The following IGF2BP3 variants were observed in gnomAD, a reference collection of about 807,000 sequenced individuals.
The protein encoded by IGF2BP3 is insulin-like growth factor 2 mRNA-binding protein 3.
A neutral mutation model predicts 73.8 loss-of-function variants in IGF2BP3; 9 were observed. The ratio of observed to expected loss-of-function variants is 0.12; its 90% CI spans 0.07 to 0.21. The LOEUF (loss-of-function observed/expected upper bound fraction) is 0.21, where lower values mean the gene tolerates loss of function less well. Ranked by LOEUF, IGF2BP3 falls within the 10% of genes least tolerant of loss-of-function variation. The pLI is 1.00. For missense variants in IGF2BP3, 542 were observed against 714.0 expected (o/e 0.76, Z 2.75); for synonymous variants, 258 against 256.7 (o/e 1.01, Z -0.05).
At chr7:23,386,815 C>A in intron 3 of IGF2BP3, among the ~76,000 whole-genome samples, 1 of 152,096 alleles carries the variant, frequency 6.6e-6, no homozygotes, top group East Asian at 1.9e-4. Context: ...CACCCATAAT[C>A]CCAGCACTTT....
At chr7:23,328,489 T>C (rs1216719430) in intron 10 of IGF2BP3, among the ~76,000 whole-genome samples, 1 of 152,180 alleles carries the variant, frequency 6.6e-6, no homozygotes, top group Non-Finnish European at 1.5e-5. Flanking sequence ...TAAACAACTT[T>C]AAGCCTTTGG....
rs532178988 is a variant in IGF2BP3, at chr7:23,469,607, G to T, written c.175+329C>A. ...TCGGCCCCCGAGGCCCAGCGTGCCG[G>T]GGCCTGGAGCACGCGCCTGGGCCCG... is the stretch of plus-strand genomic sequence containing the variant. On this transcript the variant is annotated intron_variant, in intron 1 of 14. Transcript: ENST00000258729. This position sits in a 1 kb window ranked among gnomAD's most constrained non-coding sequence, Gnocchi z 6.1. 1.2e-5 allele frequency: 2 copies of T among 160,822 alleles called. No homozygotes were observed. Among genetic ancestry groups the T allele is most frequent in the Admixed American group, 1.3e-4 (2 of 15,510 alleles). The allele number at this position is 160,822 out of a possible 1,614,324, so 10.0% of individuals were successfully genotyped here. A position where few individuals can be genotyped will look rare whatever the true frequency, so the allele number is the denominator to read the frequency against.
chr7:23,407,654 T>G (rs1414489733), intron 3 of IGF2BP3, among the ~76,000 whole-genome samples: 1 of 150,364 alleles, frequency 6.7e-6, no homozygotes, highest in East Asian at 1.9e-4. Flanking sequence ...ATTCAAGTGG[T>G]TTCACAGGTG....
chr7:23,340,745 G>T (rs893930868), intron 10 of IGF2BP3, among the ~76,000 whole-genome samples: 1 of 152,042 alleles, frequency 6.6e-6, no homozygotes, highest in African/African-American at 2.4e-5. Flanking sequence ...GGTGTCTGCT[G>T]TGCTGCGATT....
intron 2 of IGF2BP3, among the ~76,000 whole-genome samples, chr7:23,446,800 C>A (rs1788076502): frequency 6.6e-6 from 1 of 152,062 alleles, no homozygotes; most frequent in Admixed American, 6.6e-5. Context: ...ACTACTTAAC[C>A]AATTGGTCAA....
chr7:23,351,231 C>A, intron 6 of IGF2BP3, 74 bp downstream of exon 6: 1 of 1,537,390 alleles, frequency 6.5e-7, no homozygotes. Flanking sequence ...GCACCAAGTA[C>A]CAGAACGACA....
Position 23,469,976 on chromosome 7 carries a change from C to A in IGF2BP3, c.135G>T (p.Pro45=). 6.2e-7 allele frequency: 1 copy of A among 1,612,326 alleles called. No homozygotes were observed. The highest frequency in any genetic ancestry group is 8.5e-7 in the Non-Finnish European group (1 of 1,179,648). Residue 45 remains proline (P), a synonymous_variant, in exon 1 of 15, where the codon CCG becomes CCT. Coordinates refer to ENST00000258729, the MANE Select transcript of IGF2BP3 (RefSeq NM_006547.3). The surrounding 1 kb of genome is among the most constrained non-coding windows in gnomAD (Gnocchi z 6.1). The stretch of plus-strand genomic sequence containing the variant: ...TGGCCTTGAGGGCCCAGCTCTCGTC[C>A]GGGCAGTCCACGAACGCGTAGCCAG... ...VKTGYAFVDC[P]DESWALKAIE... is the part of the protein sequence containing the mutation.
intron 10 of IGF2BP3, among the ~76,000 whole-genome samples, chr7:23,326,982 G>C (rs1451942951): frequency 6.6e-6 from 1 of 150,550 alleles, no homozygotes; most frequent in East Asian, 1.9e-4. Context: ...ACGAGTTAGT[G>C]GGTGCAGGGC....
intron 2 of IGF2BP3, among the ~76,000 whole-genome samples, chr7:23,434,183 T>C (rs977388664): frequency 6.6e-6 from 1 of 152,022 alleles, no homozygotes; most frequent in Non-Finnish European, 1.5e-5. Flanking sequence ...CAAGAAGAGG[T>C]GTTTTAAGAT....
chr7:23,313,369 TCAGA>T (rs1783886488), intron 13 of IGF2BP3, among the ~76,000 whole-genome samples, 149 bp downstream of exon 13: 1 of 152,178 alleles, frequency 6.6e-6, no homozygotes, highest in African/African-American at 2.4e-5. Flanking sequence ...GCACCAACAC[TCAGA>T]CAGGAAACAA....
At chr7:23,360,871 T>C (rs1409507604) in intron 5 of IGF2BP3, among the ~76,000 whole-genome samples, 1 of 152,196 alleles carries the variant, frequency 6.6e-6, no homozygotes, top group African/African-American at 2.4e-5. Context: ...TTCTTTCATG[T>C]TCATATTCTG....
chr7:23,463,537 G>A (rs541915978), intron 2 of IGF2BP3, among the ~76,000 whole-genome samples: 2 of 152,316 alleles, frequency 1.3e-5, no homozygotes, highest in South Asian at 4.1e-4. Context: ...TGAGCACAAT[G>A]GCAAAACCTC....
chr7:23,349,830 AG>A (rs1784917479), intron 6 of IGF2BP3, among the ~76,000 whole-genome samples: 1 of 152,216 alleles, frequency 6.6e-6, no homozygotes, highest in Non-Finnish European at 1.5e-5. Context: ...TAGCTCGAAA[AG>A]GAACAATTCT....
Position 23,422,027 on chromosome 7 carries a change from T to A in IGF2BP3, c.237-3203A>T, listed in dbSNP as rs532421110. Among the ~76,000 whole-genome samples, 6 of 152,144 alleles carry A rather than the reference T, an allele frequency of 3.9e-5. No homozygotes were observed. In the East Asian group the frequency reaches 1.2e-3, roughly 30 times the overall value. On this transcript the variant is annotated intron_variant, in intron 2 of 14. Coordinates refer to ENST00000258729, the MANE Select transcript of IGF2BP3 (RefSeq NM_006547.3). ...CTCCTGGGCTCAAGCAGTCCTTCTA[T>A]CTTGACCTCCCCAAAGTGCTGGGAT...
At chr7:23,325,726 T>G (rs1477706908) in intron 10 of IGF2BP3, among the ~76,000 whole-genome samples, 1 of 152,082 alleles carries the variant, frequency 6.6e-6, no homozygotes, top group African/African-American at 2.4e-5. Flanking sequence ...AAAACAGAGA[T>G]ATAGATCAAT....
At chr7:23,366,780 T>G (rs997428023) in intron 3 of IGF2BP3, among the ~76,000 whole-genome samples, 5 of 152,064 alleles carry the variant, frequency 3.3e-5, no homozygotes, top group African/African-American at 1.2e-4. Flanking sequence ...GGGCTGTCAA[T>G]AGCCTAATAA....
chr7:23,382,687 C>T (rs112998574), intron 3 of IGF2BP3, among the ~76,000 whole-genome samples: 128 of 152,054 alleles, frequency 8.4e-4, no homozygotes, highest in African/African-American at 2.7e-3. Flanking sequence ...ATTAGTGACA[C>T]CTCAGACAAG....
At chr7:23,432,898 C>T (rs549776147) in intron 2 of IGF2BP3, among the ~76,000 whole-genome samples, 5 of 152,332 alleles carry the variant, frequency 3.3e-5, no homozygotes, top group African/African-American at 1.2e-4. Context: ...TACCAAACTG[C>T]TAGGATTACA....
Position 23,320,143 on chromosome 7 carries a change from C to G in IGF2BP3, c.1204-889G>C, listed in dbSNP as rs543852349. On this transcript the variant is annotated intron_variant, in intron 10 of 14. Coordinates refer to ENST00000258729, the MANE Select transcript of IGF2BP3 (RefSeq NM_006547.3). ...GCCAGGCTGGTCTTGAACTCCTGACCTCAAATGATCCACCCGCCTTGGCCT... is the reference window on the plus strand; with the variant it reads ...GCCAGGCTGGTCTTGAACTCCTGACGTCAAATGATCCACCCGCCTTGGCCT... Among the ~76,000 whole-genome samples, 15 of 152,094 alleles carry G rather than the reference C, an allele frequency of 9.9e-5. 1 individual carries two copies. The East Asian group carries it at 2.9e-3, about 29-fold the overall frequency.
Sources: gnomAD v4.1 joint callset for allele counts (sites outside exome capture counted in the v4.1 genomes callset) on GRCh38, gnomAD v4.1.1 for gene constraint, Gnocchi (gnomAD v3.1) non-coding constraint, MANE v1.5 for transcripts, NCBI Gene and HGNC (gene_info 2026-07-23, HGNC 2026-07-21) for gene names.